CENATAC: variants seen among roughly 807,000 people sequenced by gnomAD.
The protein encoded by CENATAC is coiled-coil domain containing 84.
CENATAC carries 53 observed loss-of-function variants against 53.7 expected under a neutral mutation model. The observed-to-expected ratio is 0.99, with a 90% confidence interval of 0.79 to 1.24. CENATAC has a LOEUF of 1.24. Among genes scored for constraint, CENATAC ranks in the 50% most tolerant of loss-of-function variants. The pLI, the probability that CENATAC is intolerant of heterozygous loss-of-function variation, is 0.00. For missense variants in CENATAC, 474 were observed against 417.8 expected (o/e 1.13, Z -1.17); for synonymous variants, 156 against 144.6 (o/e 1.08, Z -0.57).
Position 118,999,132 on chromosome 11 carries a change from G to T in CENATAC, c.383+23G>T, listed in dbSNP as rs782246995. 4.7e-5 allele frequency: 72 copies of T among 1,539,268 alleles called. No individual in the cohort carries two copies. The South Asian group carries it at 7.8e-4, about 17-fold the overall frequency. The stretch of plus-strand genomic sequence containing the variant: ...GCGGTGAGTCACTGGTATGGAACGT[G>T]AAGTAGCAGAGTGAATTCTCTGGAT... On this transcript the variant is annotated intron_variant, in intron 3 of 10. Coordinates refer to ENST00000334418, the MANE Select transcript of CENATAC (RefSeq NM_198489.3).
Position 119,015,336 on chromosome 11 carries a change from C to CT in CENATAC, c.835_836insT (p.Pro279LeufsTer9). ...AAAACAGAAGTTGAAAAAACTCCCC[C>CT]CAGACCGAGTTGGGGCCAACTTTGA... On this transcript the variant is annotated frameshift_variant, in exon 10 of 11. Coordinates refer to ENST00000334418, the MANE Select transcript of CENATAC (RefSeq NM_198489.3). LOFTEE classifies it high-confidence loss of function. 6.2e-7 allele frequency: 1 copy of CT among 1,613,816 alleles called. No homozygotes were observed. Among genetic ancestry groups the CT allele is most frequent in the South Asian group, 1.1e-5 (1 of 91,000 alleles).
chr11:119,008,108 G>A (rs1592065737), intron 3 of CENATAC, among the ~76,000 whole-genome samples: 1 of 152,108 alleles, frequency 6.6e-6, no homozygotes, highest in African/African-American at 2.4e-5. Context: ...TTATTGAAGG[G>A]GTGGCCTGCC....
chr11:119,001,665 A>G, intron 3 of CENATAC: 1 of 456,112 alleles, frequency 2.2e-6, no homozygotes, highest in Non-Finnish European at 4.4e-6. Flanking sequence ...CTCCAAAAAA[A>G]TTTTCAAGTG....
chr11:118,999,292 G>A, intron 3 of CENATAC, 183 bp downstream of exon 3: 1 of 551,622 alleles, frequency 1.8e-6, no homozygotes. Flanking sequence ...TTGAGGTTTA[G>A]TTGGGGGATA....
At position 119,015,045 on chromosome 11, in the gene CENATAC, A is replaced by G. The variant is rs552747259; in HGVS notation, c.767A>G (p.Gln256Arg). ...GATGAAGAATACATTGCTGGGAACC[A>G]AGAAATAGGACCATCCTATGAAGAA... is the stretch of plus-strand genomic sequence containing the variant. ...IQDEEYIAGN[Q>R]EIGPSYEEFL... The change falls in exon 9 of 11, where the codon CAA becomes CGA. Residue 256 changes from glutamine (Q) to arginine (R), a missense_variant. Transcript: ENST00000334418. 1.9e-6 allele frequency: 3 copies of G among 1,613,200 alleles called. No homozygotes were observed. The African/African-American group carries it at 4.0e-5, about 22-fold the overall frequency.
chr11:119,000,048 G>A (rs539152599), intron 3 of CENATAC, among the ~76,000 whole-genome samples: 6 of 152,280 alleles, frequency 3.9e-5, no homozygotes, highest in Admixed American at 6.5e-5. Flanking sequence ...AAGTGCTGGG[G>A]TTATAGACGT....
In CENATAC at chr11:118,998,442, C is replaced by T. The variant is rs1305638930; in HGVS notation, c.133C>T (p.Arg45Cys). ...ERLLPQVEAA[R>C]KAIRAAQVER... ...CTCTCTGCGGCAGGTGGAGGCGGCC[C>T]GCAAGGCCATCCGCGCCGCTCAGGT... is the stretch of plus-strand genomic sequence containing the variant. The change falls in exon 2 of 11, where the codon CGC (arginine) becomes TGC (cysteine). Residue 45 changes from arginine (R) to cysteine (C), a missense_variant. Physicochemically the swap from Arg to Cys is radical, Grantham distance 180 (BLOSUM62 -3). Transcript: ENST00000334418. The T allele has an allele frequency of 2.5e-6, 4 of 1,612,198 alleles. No homozygotes were observed. In the South Asian group the frequency reaches 4.4e-5, roughly 18 times the overall value.
chr11:119,005,203 A>T (rs566228292), intron 3 of CENATAC, among the ~76,000 whole-genome samples: 3 of 152,314 alleles, frequency 2.0e-5, no homozygotes, highest in South Asian at 4.1e-4. Flanking sequence ...ACGATGGCTC[A>T]TGCCTGTAAT....
Position 119,015,103 on chromosome 11 carries a change from A to G in CENATAC, c.805+20A>G, listed in dbSNP as rs1236767056. 3 of 1,575,396 alleles carry G rather than the reference A, an allele frequency of 1.9e-6. No individual in the cohort carries two copies. The South Asian group carries it at 3.4e-5, about 18-fold the overall frequency. ...AAGAAAGTAAGTAAACTAATTCAAGAGAGGATCGTCTAAATCTTCACACTC... is the reference window on the plus strand; with the variant it reads ...AAGAAAGTAAGTAAACTAATTCAAGGGAGGATCGTCTAAATCTTCACACTC... On this transcript the variant is annotated intron_variant, in intron 9 of 10. Transcript: ENST00000334418.
intron 8 of CENATAC, chr11:119,014,309 C>A (rs1425469249): frequency 6.6e-6 from 1 of 152,406 alleles, no homozygotes; most frequent in East Asian, 1.9e-4. Flanking sequence ...ACCTGGCCGG[C>A]GTGGTGGCTC....
At chr11:119,006,187 A>G (rs1158902284) in intron 3 of CENATAC, among the ~76,000 whole-genome samples, 3 of 142,734 alleles carry the variant, frequency 2.1e-5, no homozygotes, top group Non-Finnish European at 4.5e-5. Flanking sequence ...CCCAGGTTCA[A>G]GCGATTCTCT....
chr11:119,003,621 C>CTTTTTTTTT (rs138779092), intron 3 of CENATAC: 5 of 129,094 alleles, frequency 3.9e-5, no homozygotes, highest in African/African-American at 1.4e-4. Context: ...ATTTCTCTCT[C>CTTTTTTTTT]TTTTTTTTTT....
At chr11:119,012,105 A>G (rs1942895108) in intron 6 of CENATAC, 44 bp from the exon 7 acceptor site, 5 of 1,613,976 alleles carry the variant, frequency 3.1e-6, no homozygotes, top group East Asian at 2.2e-5. Flanking sequence ...TACCACCCTC[A>G]TGGCTCAAGG....
intron 3 of CENATAC, among the ~76,000 whole-genome samples, chr11:119,007,659 CTG>C (rs1398126743): frequency 6.6e-6 from 1 of 151,938 alleles, no homozygotes; most frequent in Non-Finnish European, 1.5e-5. Flanking sequence ...CTGGCTATTT[CTG>C]TATTTTTTGT....
intron 3 of CENATAC, chr11:119,001,580 GACATACCTTTTT>G: frequency 2.2e-6 from 1 of 454,060 alleles, no homozygotes; most frequent in Non-Finnish European, 4.4e-6. Flanking sequence ...ATGCATTCAT[GACATACCTTTTT>G]AATTTTTTCC....
chr11:119,010,325 A>G (rs1213182397), intron 3 of CENATAC: 1 of 159,470 alleles, frequency 6.3e-6, no homozygotes, highest in East Asian at 1.8e-4. Context: ...GAGAGTAGAG[A>G]AGGCATAATG....
intron 3 of CENATAC, among the ~76,000 whole-genome samples, chr11:119,005,451 A>G (rs1403032301): frequency 6.6e-6 from 1 of 150,948 alleles, no homozygotes; most frequent in Non-Finnish European, 1.5e-5. Context: ...GGCGACATAG[A>G]GTGAGACCCC....
chr11:119,006,178 C>CCTTGAACCT (rs1942586483), intron 3 of CENATAC, among the ~76,000 whole-genome samples: 1 of 147,692 alleles, frequency 6.8e-6, no homozygotes, highest in East Asian at 2.0e-4. Flanking sequence ...CCTCTGCCTC[C>CCTTGAACCT]CAGGTTCAAG....
In CENATAC at chr11:119,015,383, A is replaced by G; in HGVS notation, c.882A>G (p.Ala294=). ...ANFDHSSRTS[A]GWLPSFGRVW... The stretch of plus-strand genomic sequence containing the variant: ...TTGATCACAGCTCCAGGACCAGTGC[A>G]GGCTGGCTGCCCTCTTTTGGCCGCG... The change falls in exon 10 of 11, where the codon GCA becomes GCG. Residue 294 remains alanine, a synonymous_variant. Coordinates refer to ENST00000334418, the MANE Select transcript of CENATAC (RefSeq NM_198489.3). 1 of 1,614,260 alleles carries G rather than the reference A, an allele frequency of 6.2e-7. No individual in the cohort carries two copies. The highest frequency in any genetic ancestry group is 8.5e-7 in the Non-Finnish European group (1 of 1,180,044).
Sources: gnomAD v4.1 joint callset for allele counts (sites outside exome capture counted in the v4.1 genomes callset) on GRCh38, gnomAD v4.1.1 for gene constraint, MANE v1.5 for transcripts, NCBI Gene and HGNC (gene_info 2026-07-23, HGNC 2026-07-21) for gene names.